Variants in CYB5RL observed in about 807,000 individuals in gnomAD.
CYB5RL encodes NADH-cytochrome b5 reductase-like.
A neutral mutation model predicts 37.5 loss-of-function variants in CYB5RL; 38 were observed. The ratio of observed to expected loss-of-function variants is 1.01; its 90% CI spans 0.78 to 1.33. The LOEUF (loss-of-function observed/expected upper bound fraction) is 1.33. Ranked by LOEUF, CYB5RL falls within the 40% of genes most tolerant of loss-of-function variation. The pLI is 0.00. For synonymous variants in CYB5RL, 141 were observed against 151.9 expected (o/e 0.93, Z 0.53); for missense variants, 388 against 394.4 (o/e 0.98, Z 0.14).
chr1:54,187,812 A>G, intron 4 of CYB5RL, 73 bp from the exon 5 acceptor site: 1 of 1,331,234 alleles, frequency 7.5e-7, no homozygotes, highest in Non-Finnish European at 1.1e-6. Context: ...ACGGTGGCTC[A>G]TGTCTGTAAT....
intron 1 of CYB5RL, among the ~76,000 whole-genome samples, chr1:54,199,186 T>G (rs1429930406): frequency 6.6e-6 from 1 of 152,156 alleles, no homozygotes; most frequent in Non-Finnish European, 1.5e-5. Flanking sequence ...CTTCCCCTAC[T>G]CATTCTCTAT....
chr1:54,187,224 C>T (rs1643908779), intron 5 of CYB5RL, among the ~76,000 whole-genome samples: 1 of 152,190 alleles, frequency 6.6e-6, no homozygotes, highest in Non-Finnish European at 1.5e-5. Context: ...TCCACCAGCA[C>T]CCTCTCCTCC....
rs760754553 is a variant in CYB5RL at position 54,195,689 on chromosome 1, G to A, written c.-73C>T. On this transcript the variant is annotated 5_prime_UTR_variant, in exon 3 of 8. Transcript: ENST00000534324. ...AACAGGCCAGGCTCTATGAGACCAC[G>A]GGCGCAGGCCCTGCTCCTTGGCCAG... 2.9e-5 allele frequency: 44 copies of A among 1,497,526 alleles called. No individual in the cohort carries two copies. The highest frequency in any genetic ancestry group is 2.3e-4 in the Middle Eastern group (1 of 4,346). The allele number at this position is 1,497,526 out of a possible 1,614,324, so 92.8% of individuals were successfully genotyped here.
rs577899506 is a variant in CYB5RL, at chr1:54,178,548, G to T, written c.744+601C>A. Among the ~76,000 whole-genome samples the T allele has an allele frequency of 6.4e-4, 98 of 152,330 alleles. 1 individual carries two copies. Among genetic ancestry groups the T allele is most frequent in the Non-Finnish European group, 1.3e-3 (86 of 68,024 alleles). ...CGGAGGGGATGTGGAGTCAGAGGGA[G>T]GAGGGGTCAGCAGGGAGAGTCGCTG... On this transcript the variant is annotated intron_variant, in intron 7 of 7. Transcript: ENST00000534324.
chr1:54,183,488 A>G (rs1660214789), intron 6 of CYB5RL, among the ~76,000 whole-genome samples: 1 of 152,182 alleles, frequency 6.6e-6, no homozygotes, highest in Non-Finnish European at 1.5e-5. Flanking sequence ...CAGGATGATG[A>G]GGAGAAGAGC....
intron 3 of CYB5RL, among the ~76,000 whole-genome samples, chr1:54,194,530 C>T (rs1643988152): frequency 6.6e-6 from 1 of 152,008 alleles, no homozygotes; most frequent in East Asian, 1.9e-4. Context: ...TGATGATGGC[C>T]AGGCAAGGTG....
intron 7 of CYB5RL, among the ~76,000 whole-genome samples, chr1:54,178,213 A>G (rs1482848487): frequency 6.6e-6 from 1 of 152,076 alleles, no homozygotes; most frequent in East Asian, 1.9e-4. Context: ...CAATTTCCTC[A>G]CCCTCCACAC....
chr1:54,184,316 A>C, intron 5 of CYB5RL, 51 bp from the exon 6 acceptor site: 1 of 1,501,968 alleles, frequency 6.7e-7, no homozygotes, highest in Non-Finnish European at 9.2e-7. Flanking sequence ...TGCTGCCAAC[A>C]CAAACCAGAT....
Position 54,172,707 on chromosome 1 carries a change from G to A in CYB5RL, c.*1912C>T, listed in dbSNP as rs1351972735. Reference sequence around the variant, plus strand: ...CATAACTGCATCTGCCTGGTGTGCTGTTGTTTCCCTGGTGTCTGAACAGAG... The same window carrying A: ...CATAACTGCATCTGCCTGGTGTGCTATTGTTTCCCTGGTGTCTGAACAGAG... On this transcript the variant is annotated 3_prime_UTR_variant, in exon 8 of 8. Coordinates refer to ENST00000534324, the MANE Select transcript of CYB5RL (RefSeq NM_001031672.4). The A allele has an allele frequency of 6.6e-6, 1 of 152,292 alleles. No individual in the cohort carries two copies. Among genetic ancestry groups the A allele is most frequent in the African/African-American group, 2.4e-5 (1 of 41,452 alleles). 9.4% of individuals were successfully genotyped at this position (152,292 alleles called of 1,614,324 possible). A position where few individuals can be genotyped will look rare whatever the true frequency, so the allele number is the denominator to read the frequency against.
intron 4 of CYB5RL, among the ~76,000 whole-genome samples, chr1:54,188,570 T>A (rs971140774): frequency 6.6e-6 from 1 of 152,208 alleles, no homozygotes; most frequent in Non-Finnish European, 1.5e-5. Flanking sequence ...TGAGTCACAG[T>A]AATAGCCATG....
Position 54,174,336 on chromosome 1 carries a change from C to T in CYB5RL, c.*283G>A. 2.3e-6 allele frequency: 1 copy of T among 434,780 alleles called. No homozygotes were observed. Among genetic ancestry groups the T allele is most frequent in the South Asian group, 2.5e-5 (1 of 40,452 alleles). 26.9% of individuals were successfully genotyped at this position (434,780 alleles called of 1,614,324 possible). ...CTCCTGGGGCTCAGCCTGGACTTGG[C>T]TTCCTCTGAAGAGTCCTCCCTGACT... On this transcript the variant is annotated 3_prime_UTR_variant, in exon 8 of 8. Coordinates refer to ENST00000534324, the MANE Select transcript of CYB5RL (RefSeq NM_001031672.4).
intron 1 of CYB5RL, among the ~76,000 whole-genome samples, chr1:54,198,490 G>A (rs896180724): frequency 3.3e-5 from 5 of 151,660 alleles, no homozygotes; most frequent in East Asian, 3.9e-4. Flanking sequence ...CCGCCACCAC[G>A]CCCAGCTAAT....
At chr1:54,183,801 C>T (rs1169742394) in intron 6 of CYB5RL, among the ~76,000 whole-genome samples, 4 of 152,036 alleles carry the variant, frequency 2.6e-5, no homozygotes. Flanking sequence ...CATGGAGAAA[C>T]CCTGTATCTA....
chr1:54,185,311 G>A (rs1192162337), intron 5 of CYB5RL: 1 of 152,258 alleles, frequency 6.6e-6, no homozygotes, highest in East Asian at 1.9e-4. Context: ...CTTGAAAGAT[G>A]GGCAAGATGG....
intron 4 of CYB5RL, among the ~76,000 whole-genome samples, chr1:54,188,539 A>T (rs945006606): frequency 1.2e-4 from 18 of 152,348 alleles, no homozygotes; most frequent in Non-Finnish European, 2.5e-4. Flanking sequence ...GTTACCAAAA[A>T]CAGGGTCAGG....
rs1016333854 is a variant in CYB5RL, at chr1:54,174,538, G to A, written c.*81C>T. On this transcript the variant is annotated 3_prime_UTR_variant, in exon 8 of 8. Coordinates refer to ENST00000534324, the MANE Select transcript of CYB5RL (RefSeq NM_001031672.4). ...AGCAGCAGGACCAGGCCTGGACTCC[G>A]TGTCTTCTGATTCCAGTCTGTGCTC... 2.7e-5 allele frequency: 41 copies of A among 1,500,828 alleles called. No individual in the cohort carries two copies. The highest frequency in any genetic ancestry group is 8.5e-5 in the South Asian group (7 of 82,590). The allele number at this position is 1,500,828 out of a possible 1,614,324, so 93.0% of individuals were successfully genotyped here.
In CYB5RL at chr1:54,171,182, G is replaced by C. The variant is rs919584096; in HGVS notation, c.*3437C>G. On this transcript the variant is annotated 3_prime_UTR_variant, in exon 8 of 8. Coordinates refer to ENST00000534324, the MANE Select transcript of CYB5RL (RefSeq NM_001031672.4). ...CCTCAAAAGATGAGGAGGCAAAAAA[G>C]GTGAGTGGGAGATCGGAAGGTGGGA... The C allele has an allele frequency of 4.4e-6, 2 of 456,012 alleles. No individual in the cohort carries two copies. Among genetic ancestry groups the C allele is most frequent in the African/African-American group, 4.0e-5 (2 of 50,060 alleles). The allele number at this position is 456,012 out of a possible 1,614,324, so 28.2% of individuals were successfully genotyped here. A position where few individuals can be genotyped will look rare whatever the true frequency, so the allele number is the denominator to read the frequency against.
chr1:54,197,212 G>T (rs776963034), intron 1 of CYB5RL, among the ~76,000 whole-genome samples: 1 of 152,126 alleles, frequency 6.6e-6, no homozygotes, highest in Non-Finnish European at 1.5e-5. Context: ...ACAGGTGCAG[G>T]TGAAGGCCTG....
intron 5 of CYB5RL, chr1:54,184,733 A>G (rs2100468205): frequency 6.5e-6 from 1 of 152,852 alleles, no homozygotes; most frequent in Admixed American, 6.5e-5. Context: ...GGCCAAATCT[A>G]TTGATTTTCC....
Sources: allele counts gnomAD v4.1 joint callset (sites outside exome capture counted in the v4.1 genomes callset), GRCh38; gene constraint gnomAD v4.1.1; transcripts MANE v1.5; gene names NCBI Gene and HGNC (gene_info 2026-07-23, HGNC 2026-07-21).